COL6A6: variants seen among roughly 807,000 people sequenced by gnomAD.
The protein encoded by COL6A6 is collagen type VI alpha 6 chain.
Under a neutral mutation model 208.6 loss-of-function variants are expected in COL6A6, and 183 were observed. That is an observed-to-expected ratio of 0.88 (90% CI 0.78 to 0.99). The LOEUF (loss-of-function observed/expected upper bound fraction) is 0.99. Ranked by LOEUF, COL6A6 falls within the 50% of genes least tolerant of loss-of-function variation. COL6A6 has a pLI of 0.00. For missense variants in COL6A6, 2,816 were observed against 2,815.2 expected (o/e 1.00, Z -0.01); for synonymous variants, 973 against 1,011.8 (o/e 0.96, Z 0.73).
At chr3:130,621,396 C>A (rs2064711849) in intron 23 of COL6A6, among the ~76,000 whole-genome samples, 1 of 152,154 alleles carries the variant, frequency 6.6e-6, no homozygotes, top group South Asian at 2.1e-4. Flanking sequence ...ATATACATAT[C>A]ATATGATTTT....
At chr3:130,564,193 C>T (rs1243535553) in intron 3 of COL6A6, among the ~76,000 whole-genome samples, 2 of 152,200 alleles carry the variant, frequency 1.3e-5, no homozygotes, top group Non-Finnish European at 2.9e-5. Context: ...AGCTAACAGG[C>T]CAGATCTCCC....
chr3:130,563,112 C>A lies in COL6A6; in HGVS notation c.109C>A (p.Arg37Ser). 1 of 1,613,842 alleles carries A rather than the reference C, an allele frequency of 6.2e-7. No homozygotes were observed. Among genetic ancestry groups the A allele is most frequent in the Non-Finnish European group, 8.5e-7 (1 of 1,179,806 alleles). ...DVVFLVDSSD[R>S]LGSKSFPFVK... ...TGTGTTTTTGGTGGACAGCTCTGATCGCCTGGGATCCAAGTCCTTCCCATT... is the reference window on the plus strand; with the variant it reads ...TGTGTTTTTGGTGGACAGCTCTGATAGCCTGGGATCCAAGTCCTTCCCATT... Residue 37 changes from arginine to serine, a missense_variant, in exon 3 of 37, where the codon CGC becomes AGC. By Grantham distance (110) the Arg-to-Ser change is moderately radical. Coordinates refer to ENST00000358511, the MANE Select transcript of COL6A6 (RefSeq NM_001102608.3).
rs1251735639 is a variant in COL6A6, at chr3:130,658,868, T to G, written c.5830+96T>G. The G allele has an allele frequency of 2.0e-5, 17 of 847,018 alleles. No individual in the cohort carries two copies. In the East Asian group the frequency reaches 4.5e-4, roughly 23 times the overall value. 52.5% of individuals were successfully genotyped at this position (847,018 alleles called of 1,614,324 possible). ...ACTGGAACTTGGCAGCAGGGATACT[T>G]ATGGCCTTGGGAGGACCTCTCTGGG... On this transcript the variant is annotated intron_variant, in intron 34 of 36. Transcript: ENST00000358511.
chr3:130,529,922 G>A (rs1314466660), intron 1 of COL6A6, among the ~76,000 whole-genome samples: 1 of 152,210 alleles, frequency 6.6e-6, no homozygotes, highest in African/African-American at 2.4e-5. Flanking sequence ...GCAGAGGGCA[G>A]CACAGTGGTT....
chr3:130,532,642 A>G (rs1322896604), intron 1 of COL6A6, among the ~76,000 whole-genome samples: 1 of 152,228 alleles, frequency 6.6e-6, no homozygotes. Flanking sequence ...TCTGTGCTTC[A>G]AGGAATTAAA....
intron 2 of COL6A6, 41 bp downstream of exon 2, chr3:130,560,469 A>G: frequency 6.6e-7 from 1 of 1,520,836 alleles, no homozygotes; most frequent in East Asian, 2.3e-5. Flanking sequence ...TTGATTATAG[A>G]AAATAGATAA....
intron 20 of COL6A6, among the ~76,000 whole-genome samples, chr3:130,605,469 T>C (rs900653744): frequency 6.6e-6 from 1 of 151,952 alleles, no homozygotes. Context: ...TCTATTGCTA[T>C]TTGTCAAATG....
At chr3:130,620,360 G>C (rs945649623) in intron 23 of COL6A6, among the ~76,000 whole-genome samples, 1 of 152,160 alleles carries the variant, frequency 6.6e-6, no homozygotes, top group African/African-American at 2.4e-5. Flanking sequence ...GCCTTCAAAG[G>C]TTCATGAGAG....
At chr3:130,619,969 C>CT (rs1470189895) in intron 23 of COL6A6, among the ~76,000 whole-genome samples, 1 of 152,158 alleles carries the variant, frequency 6.6e-6, no homozygotes. Context: ...GAGTCTCACT[C>CT]TATCACCCAG....
At chr3:130,600,743 G>C (rs1050161802) in intron 20 of COL6A6, among the ~76,000 whole-genome samples, 1 of 152,160 alleles carries the variant, frequency 6.6e-6, no homozygotes, top group African/African-American at 2.4e-5. Context: ...GAGAACATTA[G>C]GACAAATAGC....
rs146860610 is a variant in COL6A6 at position 130,523,828 on chromosome 3, T to A, written c.-32+6431T>A. ...GGTGTGTTTTTGGAAATGCAAGTGA[T>A]GTAACTACATATAATGGCATCTAAT... On this transcript the variant is annotated intron_variant, in intron 1 of 36. Coordinates refer to ENST00000358511, the MANE Select transcript of COL6A6 (RefSeq NM_001102608.3). 1.4e-4 allele frequency among the ~76,000 whole-genome samples: 21 copies of A among 152,366 alleles called. No individual in the cohort carries two copies. In the East Asian group the frequency reaches 4.0e-3, roughly 29 times the overall value.
At chr3:130,567,786 A>G (rs1236513292) in intron 5 of COL6A6, among the ~76,000 whole-genome samples, 1 of 152,226 alleles carries the variant, frequency 6.6e-6, no homozygotes, top group African/African-American at 2.4e-5. Flanking sequence ...ATCCTACAAC[A>G]CACAGACTTG....
chr3:130,567,147 C>A lies in COL6A6; in HGVS notation c.1728C>A (p.Asn576Lys). The A allele has an allele frequency of 6.2e-7, 1 of 1,613,850 alleles. No homozygotes were observed. The highest frequency in any genetic ancestry group is 1.1e-5 in the South Asian group (1 of 91,078). Residue 576 changes from asparagine (N) to lysine (K), a missense_variant, in exon 5 of 37, where the codon AAC becomes AAA. By Grantham distance (94) the Asn-to-Lys change is moderately conservative. Coordinates refer to ENST00000358511, the MANE Select transcript of COL6A6 (RefSeq NM_001102608.3). The part of the protein sequence containing the change: ...RVYAIGIKEA[N>K]QTQLREIAGE... ...ATGCTATCGGGATCAAGGAGGCCAA[C>A]CAAACACAGCTGAGAGAAATTGCAG... is the stretch of plus-strand genomic sequence containing the variant.
chr3:130,644,737 T>C (rs1310274581), intron 31 of COL6A6, among the ~76,000 whole-genome samples: 4 of 152,172 alleles, frequency 2.6e-5, no homozygotes, highest in African/African-American at 9.7e-5. Context: ...AAAGTCTTTG[T>C]TTCTTGACAG....
Position 130,675,215 on chromosome 3 carries a change from C to A in COL6A6, c.6610C>A (p.Pro2204Thr). The part of the protein sequence containing the change: ...PRPFRSFVPG[P>T]LKATLKEDVL... ...TTTGTTGTATAGCTTTGTTCCTGGA[C>A]CACTTAAAGCTACCCTCAAAGAAGA... Residue 2204 changes from proline to threonine, a missense_variant, in exon 37 of 37, where the codon CCA becomes ACA. Coordinates refer to ENST00000358511, the MANE Select transcript of COL6A6 (RefSeq NM_001102608.3). The A allele has an allele frequency of 6.4e-7, 1 of 1,572,852 alleles. No individual in the cohort carries two copies. The highest frequency in any genetic ancestry group is 8.6e-7 in the Non-Finnish European group (1 of 1,159,460).
Position 130,570,960 on chromosome 3 carries a change from T to G in COL6A6, c.2544T>G (p.Phe848Leu). 6.2e-7 allele frequency: 1 copy of G among 1,614,024 alleles called. No individual in the cohort carries two copies. Among genetic ancestry groups the G allele is most frequent in the East Asian group, 2.2e-5 (1 of 44,882 alleles). ...KADVGKNQVR[F>L]GALKYADDPE... is the part of the protein sequence containing the mutation. ...ATGTGGGCAAGAATCAGGTCCGGTT[T>G]GGGGCTCTGAAGTATGCTGATGACC... is the stretch of plus-strand genomic sequence containing the variant. Residue 848 changes from phenylalanine (F) to leucine (L), a missense_variant, in exon 7 of 37, where the codon TTT becomes TTG. By Grantham distance (22) the Phe-to-Leu change is conservative. Transcript: ENST00000358511.
intron 33 of COL6A6, among the ~76,000 whole-genome samples, chr3:130,655,868 C>T (rs953870642): frequency 9.8e-5 from 15 of 152,326 alleles, no homozygotes; most frequent in Admixed American, 6.5e-5. Context: ...TTGGCTCATG[C>T]TACCAGCCTG....
chr3:130,662,570 T>TA (rs1405980222), intron 35 of COL6A6, among the ~76,000 whole-genome samples: 7 of 152,134 alleles, frequency 4.6e-5, no homozygotes, highest in African/African-American at 1.7e-4. Context: ...TGTTCACACA[T>TA]CTGTCTTCAT....
At chr3:130,651,828 A>G in intron 33 of COL6A6, among the ~76,000 whole-genome samples, 1 of 152,122 alleles carries the variant, frequency 6.6e-6, no homozygotes, top group East Asian at 1.9e-4. Flanking sequence ...ACACAATTCC[A>G]CTCACCCACT....
Sources: gnomAD v4.1 joint callset for allele counts (sites outside exome capture counted in the v4.1 genomes callset) on GRCh38, gnomAD v4.1.1 for gene constraint, MANE v1.5 for transcripts, NCBI Gene and HGNC (gene_info 2026-07-23, HGNC 2026-07-21) for gene names.